Variants in RP1 observed in about 807,000 individuals in gnomAD.
The protein encoded by RP1 is oxygen-regulated protein 1.
Under a neutral mutation model 14.8 loss-of-function variants are expected in RP1, and 16 were observed. The observed-to-expected ratio is 1.08, with a 90% CI of 0.73 to 1.65. The LOEUF (loss-of-function observed/expected upper bound fraction) is 1.65, where lower values mean the gene tolerates loss of function less well. Among genes scored for constraint, RP1 ranks in the 40% most tolerant of loss-of-function variants. The pLI is 0.00. For missense variants in RP1, 2,631 were observed against 2,535.0 expected, an observed-to-expected ratio of 1.04 and a Z score of -0.81; for synonymous variants, 876 against 883.6, an observed-to-expected ratio of 0.99 and a Z score of 0.15.
intron 3 of RP1, among the ~76,000 whole-genome samples, chr8:54,638,599 C>G (rs1806397308): frequency 6.6e-6 from 1 of 152,042 alleles, no homozygotes; most frequent in African/African-American, 2.4e-5. Flanking sequence ...ATTTCTGCTC[C>G]CATACATGTG....
chr8:54,819,252 G>C (rs1252597105), intron 24 of RP1, among the ~76,000 whole-genome samples: 1 of 151,718 alleles, frequency 6.6e-6, no homozygotes, highest in South Asian at 2.1e-4. Context: ...GAGAGACTCT[G>C]ATGCATTTTT....
chr8:54,771,666 A>G (rs1809910925), downstream of RP1, among the ~76,000 whole-genome samples: 1 of 152,074 alleles, frequency 6.6e-6, no homozygotes, highest in African/African-American at 2.4e-5. Context: ...TTAGTTCATG[A>G]TACAATGTCA....
In RP1 at chr8:54,621,249, C is replaced by CT. The variant is rs1805856024; in HGVS notation, c.284dup (p.Glu96GlyfsTer39). The CT allele has an allele frequency of 6.2e-7, 1 of 1,614,020 alleles. No individual in the cohort carries two copies. Among genetic ancestry groups the CT allele is most frequent in the South Asian group, 1.1e-5 (1 of 91,086 alleles). ...TCGGGGCAGGCACAGCATCACGCGC[C>CT]TGGAGGAGCTGGAGGACGGCGAGTC... On this transcript the variant is annotated frameshift_variant, in exon 2 of 4. Transcript: ENST00000220676. LOFTEE classifies it high-confidence loss of function.
At chr8:54,701,381 GT>G in intron 13 of RP1, 1 of 933,556 alleles carries the variant, frequency 1.1e-6, no homozygotes, top group Non-Finnish European at 1.4e-6. Flanking sequence ...ATAGTACAAA[GT>G]TTCCATAAAA....
At chr8:54,602,426 C>A (rs1045809429) in intron 1 of RP1, among the ~76,000 whole-genome samples, 8 of 152,200 alleles carry the variant, frequency 5.3e-5, no homozygotes, top group African/African-American at 1.9e-4. Flanking sequence ...TTTCTTGATC[C>A]AGTCTATCAT....
chr8:54,869,754 C>A, intron 28 of RP1: 1 of 477,008 alleles, frequency 2.1e-6, no homozygotes, highest in Non-Finnish European at 3.3e-6. Flanking sequence ...TCTTTAAATT[C>A]TTTCCATATG....
chr8:54,584,644 T>C (rs1198901162), intron 1 of RP1, among the ~76,000 whole-genome samples: 1 of 152,186 alleles, frequency 6.6e-6, no homozygotes, highest in African/African-American at 2.4e-5. Flanking sequence ...CTAAGTCTCT[T>C]TGTAGCTCTC....
In RP1 at chr8:54,753,892, G is replaced by T. The variant is rs568388237; in HGVS notation, c.2809-911G>T. ...AGAATAAGCCATCTGAGAAATGGTGGCACCTGCTCCTAAGGCCAGGAAGCA... is the reference window on the plus strand; with the variant it reads ...AGAATAAGCCATCTGAGAAATGGTGTCACCTGCTCCTAAGGCCAGGAAGCA... On this transcript the variant is annotated intron_variant, in intron 19 of 22. Transcript: ENST00000636932. Among the ~76,000 whole-genome samples, 7 of 152,244 alleles carry T rather than the reference G, an allele frequency of 4.6e-5. No homozygotes were observed. The South Asian group carries it at 1.5e-3, about 32-fold the overall frequency.
chr8:54,738,928 T>C (rs1809001650), intron 18 of RP1: 7 of 1,432,898 alleles, frequency 4.9e-6, no homozygotes, highest in Non-Finnish European at 6.4e-6. Flanking sequence ...TTTTTCTCCT[T>C]TGCATTTCAT....
intron 24 of RP1, among the ~76,000 whole-genome samples, chr8:54,794,636 T>C (rs1015302460): frequency 1.3e-5 from 2 of 151,948 alleles, no homozygotes; most frequent in African/African-American, 4.8e-5. Context: ...AAAGAAACCA[T>C]AGGCAAAACC....
chr8:54,758,957 A>G (rs1809571762), exon 22 of RP1: 1 of 1,535,830 alleles, frequency 6.5e-7, no homozygotes, highest in Non-Finnish European at 8.7e-7. Flanking sequence ...TGTCGCTTGG[A>G]AAACTGCAGA....
chr8:54,596,091 C>T (rs1288880044), intron 1 of RP1, among the ~76,000 whole-genome samples: 2 of 152,114 alleles, frequency 1.3e-5, no homozygotes, highest in Non-Finnish European at 2.9e-5. Context: ...ATATAGAATG[C>T]TATTTTATTT....
intron 12 of RP1, among the ~76,000 whole-genome samples, chr8:54,682,601 A>G (rs1807461371): frequency 6.6e-6 from 1 of 152,038 alleles, no homozygotes; most frequent in African/African-American, 2.4e-5. Context: ...ATGGTATCTC[A>G]TTGTGGTTTT....
intron 18 of RP1, among the ~76,000 whole-genome samples, chr8:54,736,387 C>T (rs969544754): frequency 3.3e-5 from 5 of 152,174 alleles, no homozygotes; most frequent in African/African-American, 1.2e-4. Context: ...TCAAATCACC[C>T]TCTCACTAGT....
chr8:54,645,128 T>C (rs1184645506), intron 3 of RP1, among the ~76,000 whole-genome samples: 2 of 152,210 alleles, frequency 1.3e-5, no homozygotes. Flanking sequence ...ATTTAACCCA[T>C]GACGAACCTG....
At chr8:54,818,674 G>A (rs1296609043) in intron 24 of RP1, among the ~76,000 whole-genome samples, 2 of 152,166 alleles carry the variant, frequency 1.3e-5, no homozygotes, top group African/African-American at 4.8e-5. Context: ...CAGAACTTGA[G>A]TCTTAGGGTT....
At chr8:54,713,475 C>T (rs1262644484) in intron 15 of RP1, among the ~76,000 whole-genome samples, 1 of 152,184 alleles carries the variant, frequency 6.6e-6, no homozygotes, top group African/African-American at 2.4e-5. Context: ...GATATGCACA[C>T]AGACATACCC....
At chr8:54,569,436 G>A (rs981167345) in intron 1 of RP1, among the ~76,000 whole-genome samples, 1 of 152,110 alleles carries the variant, frequency 6.6e-6, no homozygotes, top group Non-Finnish European at 1.5e-5. Flanking sequence ...ATCTATGTAC[G>A]GGGAAAGAAT....
intron 24 of RP1, among the ~76,000 whole-genome samples, chr8:54,795,443 T>A (rs889567832): frequency 7.9e-5 from 12 of 152,096 alleles, no homozygotes; most frequent in South Asian, 4.1e-4. Context: ...TTCAGAAGGG[T>A]TAAATTTCCT....
Sources: allele counts gnomAD v4.1 joint callset (sites outside exome capture counted in the v4.1 genomes callset), GRCh38; gene constraint gnomAD v4.1.1; transcripts MANE v1.5; gene names NCBI Gene and HGNC (gene_info 2026-07-23, HGNC 2026-07-21).